EFNB2: variants seen among roughly 807,000 people sequenced by gnomAD.
EFNB2 encodes ephrin-B2.
In EFNB2, 5 loss-of-function variants were observed where a neutral mutation model predicts 32.1. The ratio of observed to expected loss-of-function variants is 0.16; its 90% CI spans 0.08 to 0.33. The LOEUF (loss-of-function observed/expected upper bound fraction) is 0.33. Among genes scored for constraint, EFNB2 ranks in the 10% least tolerant of loss-of-function variants. The pLI, the probability that EFNB2 is intolerant of heterozygous loss-of-function variation, is 1.00. For synonymous variants in EFNB2, 168 were observed against 166.5 expected, an observed-to-expected ratio of 1.01 and a Z score of -0.07; for missense variants, 263 against 422.6, an observed-to-expected ratio of 0.62 and a Z score of 3.31.
intron 2 of EFNB2, among the ~76,000 whole-genome samples, chr13:106,500,503 T>TG (rs1827845536): frequency 6.6e-6 from 1 of 152,196 alleles, no homozygotes; most frequent in Non-Finnish European, 1.5e-5. Flanking sequence ...AGAGGGCAGA[T>TG]GGACACTTGG....
intron 2 of EFNB2, among the ~76,000 whole-genome samples, chr13:106,505,352 G>A (rs1278594703): frequency 7.2e-5 from 11 of 152,168 alleles, no homozygotes; most frequent in East Asian, 5.8e-4. Flanking sequence ...AGGGTCCAGC[G>A]GCCCTGGACT....
At chr13:106,496,672 C>A (rs753255709) in intron 2 of EFNB2, among the ~76,000 whole-genome samples, 1 of 150,928 alleles carries the variant, frequency 6.6e-6, no homozygotes, top group Non-Finnish European at 1.5e-5. Context: ...GAAGGAAGGA[C>A]AGAATCATTT....
At chr13:106,524,053 A>G (rs1879622800) in intron 1 of EFNB2, among the ~76,000 whole-genome samples, 1 of 152,220 alleles carries the variant, frequency 6.6e-6, no homozygotes, top group African/African-American at 2.4e-5. Flanking sequence ...TATGTATTGT[A>G]ATAACTCTCC....
intron 1 of EFNB2, among the ~76,000 whole-genome samples, chr13:106,525,859 A>G (rs1879682826): frequency 6.6e-6 from 1 of 152,214 alleles, no homozygotes; most frequent in South Asian, 2.1e-4. Flanking sequence ...TTGCTTGCTG[A>G]ATTAACAACA....
chr13:106,498,826 T>G (rs2138903909), intron 2 of EFNB2, among the ~76,000 whole-genome samples: 1 of 152,346 alleles, frequency 6.6e-6, no homozygotes, highest in East Asian at 1.9e-4. Context: ...CTGAACAGTC[T>G]GAATGCAGAC....
At chr13:106,513,516 T>C (rs1340359688) in intron 1 of EFNB2, among the ~76,000 whole-genome samples, 2 of 152,178 alleles carry the variant, frequency 1.3e-5, no homozygotes, top group East Asian at 3.9e-4. Flanking sequence ...TTTTTTTTCT[T>C]CCCTTGAGAT....
intron 1 of EFNB2, among the ~76,000 whole-genome samples, chr13:106,524,422 C>T (rs1467943624): frequency 6.6e-6 from 1 of 152,156 alleles, no homozygotes; most frequent in Admixed American, 6.5e-5. Context: ...ATGACTTTGG[C>T]TAAGTTAATT....
intron 2 of EFNB2, among the ~76,000 whole-genome samples, chr13:106,496,555 C>T (rs1255173726): frequency 9.2e-5 from 14 of 152,246 alleles, no homozygotes; most frequent in Non-Finnish European, 1.6e-4. Context: ...ATGCCCACCA[C>T]TCATTCTGGG....
chr13:106,535,519 C>T lies in EFNB2; in HGVS notation c.-555G>A, dbSNP rs1476632268. ...TCTCAGTCCGCGCGGCTCCCGGCCC[C>T]CAGGGCAGGAAAGAGGGAGCTCGGT... is the stretch of plus-strand genomic sequence containing the variant. On this transcript the variant is annotated 5_prime_UTR_variant, in exon 1 of 5. Coordinates refer to ENST00000646441, the MANE Select transcript of EFNB2 (RefSeq NM_004093.4). 2 of 149,622 alleles carry T rather than the reference C, an allele frequency of 1.3e-5. No individual in the cohort carries two copies. Among genetic ancestry groups the T allele is most frequent in the African/African-American group, 4.9e-5 (2 of 41,018 alleles). 9.3% of individuals were successfully genotyped at this position (149,622 alleles called of 1,614,324 possible).
At chr13:106,494,196 A>G (rs375156382) in intron 4 of EFNB2, among the ~76,000 whole-genome samples, 3 of 152,214 alleles carry the variant, frequency 2.0e-5, no homozygotes, top group African/African-American at 7.2e-5. Flanking sequence ...AAATTTGCAC[A>G]ACGACCAAGC....
At chr13:106,500,763 G>C (rs1878750812) in intron 2 of EFNB2, among the ~76,000 whole-genome samples, 1 of 152,190 alleles carries the variant, frequency 6.6e-6, no homozygotes, top group Non-Finnish European at 1.5e-5. Flanking sequence ...GGACTTCTTA[G>C]GCGAGTCTTC....
At chr13:106,509,057 T>C (rs777802237) in intron 2 of EFNB2, among the ~76,000 whole-genome samples, 3 of 152,210 alleles carry the variant, frequency 2.0e-5, no homozygotes, top group Non-Finnish European at 2.9e-5. Context: ...TAAGGTGGCT[T>C]GAAACTGGAG....
At chr13:106,501,118 A>ATTCAAT (rs1878763363) in intron 2 of EFNB2, among the ~76,000 whole-genome samples, 1 of 152,248 alleles carries the variant, frequency 6.6e-6, no homozygotes, top group Admixed American at 6.5e-5. Flanking sequence ...AGAAACAAGA[A>ATTCAAT]TTCAATTTCT....
At chr13:106,533,567 T>C (rs1160093095) in intron 1 of EFNB2, among the ~76,000 whole-genome samples, 2 of 152,244 alleles carry the variant, frequency 1.3e-5, no homozygotes, top group African/African-American at 4.8e-5. Context: ...GCCCTTTTCA[T>C]GAAGGGATTC....
At chr13:106,500,509 C>T (rs922384848) in intron 2 of EFNB2, among the ~76,000 whole-genome samples, 18 of 152,280 alleles carry the variant, frequency 1.2e-4, no homozygotes, top group Admixed American at 2.6e-4. Context: ...CAGATGGACA[C>T]TTGGAAGCAA....
intron 1 of EFNB2, among the ~76,000 whole-genome samples, chr13:106,523,300 T>C (rs1879596538): frequency 6.6e-6 from 1 of 152,086 alleles, no homozygotes; most frequent in South Asian, 2.1e-4. Flanking sequence ...CTGTGTACCT[T>C]AGGAAAATAG....
At chr13:106,503,720 C>T (rs1463831227) in intron 2 of EFNB2, among the ~76,000 whole-genome samples, 1 of 151,982 alleles carries the variant, frequency 6.6e-6, no homozygotes, top group Non-Finnish European at 1.5e-5. Flanking sequence ...CCACTGGACT[C>T]TCTCTTTCCT....
intron 1 of EFNB2, among the ~76,000 whole-genome samples, chr13:106,528,467 CT>C (rs1433127052): frequency 3.0e-5 from 4 of 134,670 alleles, no homozygotes; most frequent in African/African-American, 1.1e-4. Flanking sequence ...CTATGCTGCT[CT>C]TTAAAAAAAA....
intron 1 of EFNB2, chr13:106,520,699 T>C (rs1879480701): frequency 6.6e-6 from 1 of 152,328 alleles, no homozygotes; most frequent in South Asian, 2.1e-4. Flanking sequence ...AGTTTTGTTA[T>C]AAAATGAATA....
Sources: gnomAD v4.1 joint callset for allele counts (sites outside exome capture counted in the v4.1 genomes callset) on GRCh38, gnomAD v4.1.1 for gene constraint, MANE v1.5 for transcripts, NCBI Gene and HGNC (gene_info 2026-07-23, HGNC 2026-07-21) for gene names.